Variants in SOX5 observed in about 807,000 individuals in gnomAD.
SOX5 encodes the protein SRY-box transcription factor 5, also known as transcription factor SOX-5.
In SOX5, 9 loss-of-function variants were observed where a neutral mutation model predicts 92.0. The ratio of observed to expected loss-of-function variants is 0.10; its 90% CI spans 0.06 to 0.17. The LOEUF (loss-of-function observed/expected upper bound fraction) is 0.17, where lower values mean the gene tolerates loss of function less well. Among genes scored for constraint, SOX5 ranks in the 10% least tolerant of loss-of-function variants. The pLI is 1.00. For missense variants in SOX5, 642 were observed against 944.5 expected (o/e 0.68, Z 4.20); for synonymous variants, 344 against 336.3 (o/e 1.02, Z -0.25).
chr12:23,933,420 T>C (rs1322239581), intron 1 of SOX5, among the ~76,000 whole-genome samples: 5 of 151,636 alleles, frequency 3.3e-5, no homozygotes, highest in Non-Finnish European at 5.9e-5. Context: ...GATATTCACA[T>C]TGTAAGTGCT....
intron 2 of SOX5, among the ~76,000 whole-genome samples, chr12:24,316,877 C>T (rs1023228993): frequency 6.6e-6 from 1 of 151,966 alleles, no homozygotes; most frequent in East Asian, 1.9e-4. Flanking sequence ...GGTGGTAGCA[C>T]AAGATAATTT....
At chr12:23,677,004 G>T (rs769166037) in intron 6 of SOX5, among the ~76,000 whole-genome samples, 10 of 152,182 alleles carry the variant, frequency 6.6e-5, no homozygotes, top group Non-Finnish European at 1.3e-4. Flanking sequence ...TATTTAAAAA[G>T]ATATTCACTA....
chr12:23,810,327 T>C (rs759469707), intron 3 of SOX5, among the ~76,000 whole-genome samples: 1 of 152,152 alleles, frequency 6.6e-6, no homozygotes, highest in Non-Finnish European at 1.5e-5. Flanking sequence ...ATTATTATGA[T>C]CATTTCATGT....
chr12:23,859,190 G>A (rs961622838), intron 2 of SOX5, among the ~76,000 whole-genome samples: 3 of 152,086 alleles, frequency 2.0e-5, no homozygotes, highest in African/African-American at 7.2e-5. Context: ...TGTGGGGTCG[G>A]GCAGAATACA....
At chr12:24,159,889 T>G (rs1206501734) in intron 4 of SOX5, among the ~76,000 whole-genome samples, 1 of 152,028 alleles carries the variant, frequency 6.6e-6, no homozygotes, top group African/African-American at 2.4e-5. Context: ...TTCTCCCCAG[T>G]GTTTTCAACA....
chr12:24,112,033 A>G (rs1947410116), intron 4 of SOX5, among the ~76,000 whole-genome samples: 1 of 152,228 alleles, frequency 6.6e-6, no homozygotes, highest in Non-Finnish European at 1.5e-5. Context: ...CTGTCATGAC[A>G]AACAGCCAAA....
chr12:24,511,729 T>C (rs368789162), intron 1 of SOX5, among the ~76,000 whole-genome samples: 9 of 152,034 alleles, frequency 5.9e-5, no homozygotes, highest in East Asian at 3.9e-4. Context: ...GAGGCTGAGG[T>C]GGGCGGATCA....
intron 6 of SOX5, among the ~76,000 whole-genome samples, chr12:23,708,245 C>A (rs1593493068): frequency 6.7e-6 from 1 of 149,232 alleles, no homozygotes. Flanking sequence ...CCAGTTTGGC[C>A]TTACTGAATG....
At chr12:23,594,451 C>T (rs1469436251) in intron 9 of SOX5, among the ~76,000 whole-genome samples, 2 of 152,026 alleles carry the variant, frequency 1.3e-5, no homozygotes, top group Non-Finnish European at 2.9e-5. Flanking sequence ...CAGCAACATC[C>T]AGGATATGTC....
chr12:23,575,907 G>GCTGCATACCTGTGT, intron 9 of SOX5, 69 bp from the exon 10 acceptor site: 5 of 1,184,830 alleles, frequency 4.2e-6, no homozygotes, highest in Non-Finnish European at 5.9e-6. Flanking sequence ...AAAAACACAG[G>GCTGCATACCTGTGT]TATGCAGCCT....
intron 3 of SOX5, among the ~76,000 whole-genome samples, chr12:23,840,817 C>G (rs2096504146): frequency 6.6e-6 from 1 of 151,838 alleles, no homozygotes; most frequent in African/African-American, 2.4e-5. Flanking sequence ...AGACACAGAA[C>G]TACTTTTTAC....
At chr12:24,036,574 A>G (rs1343870125) in intron 4 of SOX5, among the ~76,000 whole-genome samples, 3 of 152,134 alleles carry the variant, frequency 2.0e-5, no homozygotes, top group Non-Finnish European at 4.4e-5. Context: ...CGAATTCAAT[A>G]CACTGTAAGC....
intron 3 of SOX5, among the ~76,000 whole-genome samples, chr12:23,762,941 A>G (rs1234757473): frequency 6.6e-6 from 1 of 152,182 alleles, no homozygotes; most frequent in African/African-American, 2.4e-5. Context: ...CATCCACTCT[A>G]TCACTCACAA....
chr12:24,445,230 T>C (rs976101408), intron 1 of SOX5, among the ~76,000 whole-genome samples: 17 of 152,206 alleles, frequency 1.1e-4, no homozygotes, highest in African/African-American at 4.1e-4. Flanking sequence ...GTAAGCTACA[T>C]GATGGTCAAA....
intron 4 of SOX5, among the ~76,000 whole-genome samples, chr12:23,999,113 C>T (rs546439805): frequency 2.7e-5 from 4 of 146,856 alleles, no homozygotes; most frequent in Non-Finnish European, 6.0e-5. Flanking sequence ...GGACAATGGA[C>T]ATTTATGAAA....
chr12:24,484,169 A>C (rs554107883), intron 1 of SOX5, among the ~76,000 whole-genome samples: 1 of 152,140 alleles, frequency 6.6e-6, no homozygotes, highest in Non-Finnish European at 1.5e-5. Flanking sequence ...CAAGCTGTAT[A>C]TATTTAGTTC....
intron 4 of SOX5, among the ~76,000 whole-genome samples, chr12:23,960,523 A>ATATACATATATATT (rs1555451946): frequency 0.019 from 1,323 of 68,862 alleles, 30 homozygotes; most frequent in African/African-American, 0.047. Context: ...ACATATATAT[A>ATATACATATATATT]TATATACATA....
At chr12:23,536,382 A>G in intron 14 of SOX5, 71 bp downstream of exon 14, 1 of 1,216,730 alleles carries the variant, frequency 8.2e-7, no homozygotes. Flanking sequence ...CAACTGAACA[A>G]ATATGTTTCA....
At chr12:23,776,140 A>G (rs1476107074) in intron 3 of SOX5, among the ~76,000 whole-genome samples, 1 of 152,218 alleles carries the variant, frequency 6.6e-6, no homozygotes, top group East Asian at 1.9e-4. Context: ...AAGCACAAAA[A>G]ACTTTCAGAA....
Sources: gnomAD v4.1 joint callset for allele counts (sites outside exome capture counted in the v4.1 genomes callset) on GRCh38, gnomAD v4.1.1 for gene constraint, MANE v1.5 for transcripts, NCBI Gene and HGNC (gene_info 2026-07-23, HGNC 2026-07-21) for gene names.